Variants in VPS13D observed in about 807,000 individuals in gnomAD.
VPS13D encodes intermembrane lipid transfer protein VPS13D.
VPS13D carries 187 observed loss-of-function variants against 461.9 expected under a neutral mutation model. The observed-to-expected ratio is 0.40, with a 90% CI of 0.36 to 0.46. The LOEUF (loss-of-function observed/expected upper bound fraction) is 0.46. Among genes scored for constraint, VPS13D ranks in the 20% least tolerant of loss-of-function variants. The probability of loss-of-function intolerance (pLI) is 0.60; values close to 1 mark genes in which losing one functional copy is unlikely to be tolerated. For synonymous variants in VPS13D, 1,951 were observed against 1,986.3 expected (o/e 0.98, Z 0.47); for missense variants, 4,711 against 5,364.9 (o/e 0.88, Z 3.81).
At chr1:12,340,735 T>C (rs1339808967) in intron 40 of VPS13D, among the ~76,000 whole-genome samples, 2 of 152,270 alleles carry the variant, frequency 1.3e-5, no homozygotes, top group African/African-American at 4.8e-5. Context: ...CTTCCTACTT[T>C]AATGCTAGAC....
chr1:12,284,270 T>G (rs1641899286), intron 21 of VPS13D, among the ~76,000 whole-genome samples: 1 of 152,238 alleles, frequency 6.6e-6, no homozygotes, highest in Admixed American at 6.5e-5. Flanking sequence ...GGCAAACCAC[T>G]TGGCCTCTTT....
In VPS13D at chr1:12,414,475, C is replaced by A. The variant is rs536607982; in HGVS notation, c.12031-612C>A. Reference sequence around the variant, plus strand: ...CAGCTATATGCAACAATCTAGGAAACCCCCATATGTAATGTTGTCTATGAG... The same window carrying A: ...CAGCTATATGCAACAATCTAGGAAAACCCCATATGTAATGTTGTCTATGAG... On this transcript the variant is annotated intron_variant, in intron 63 of 69. Coordinates refer to ENST00000620676, the MANE Select transcript of VPS13D (RefSeq NM_015378.4). Among the ~76,000 whole-genome samples the A allele has an allele frequency of 3.9e-5, 6 of 152,164 alleles. No homozygotes were observed. In the South Asian group the frequency reaches 1.2e-3, roughly 32 times the overall value.
At chr1:12,388,737 G>A (rs1187115737) in intron 60 of VPS13D, among the ~76,000 whole-genome samples, 6 of 152,194 alleles carry the variant, frequency 3.9e-5, no homozygotes, top group Admixed American at 2.0e-4. Flanking sequence ...TGTAAACACC[G>A]TAATCAAAAG....
rs778894395 is a variant in VPS13D at position 12,507,629 on chromosome 1, C to G, written c.13035+536C>G. On this transcript the variant is annotated intron_variant, in intron 69 of 69. Coordinates refer to ENST00000620676, the MANE Select transcript of VPS13D (RefSeq NM_015378.4). This position sits in a 1 kb window ranked among gnomAD's most constrained non-coding sequence, Gnocchi z 5.3. The stretch of plus-strand genomic sequence containing the variant: ...ATGACAAGGCTTTTAAATAATAAAG[C>G]TCCTGCGAATAGCTAACGTTCCTAG... 1.2e-4 allele frequency among the ~76,000 whole-genome samples: 18 copies of G among 152,236 alleles called. No individual in the cohort carries two copies. The highest frequency in any genetic ancestry group is 2.5e-4 in the Non-Finnish European group (17 of 68,050).
intron 60 of VPS13D, among the ~76,000 whole-genome samples, chr1:12,393,593 TG>T (rs1644456740): frequency 6.6e-6 from 1 of 152,242 alleles, no homozygotes; most frequent in African/African-American, 2.4e-5. Flanking sequence ...ACGGGCCAAA[TG>T]GAAGAGTTGA....
chr1:12,281,530 A>C (rs1437372729), intron 20 of VPS13D, among the ~76,000 whole-genome samples: 1 of 152,180 alleles, frequency 6.6e-6, no homozygotes, highest in Admixed American at 6.5e-5. Context: ...TATAGGTTTG[A>C]CTGGATTCGG....
At chr1:12,278,068 T>C in intron 19 of VPS13D, 30 bp downstream of exon 19, 1 of 1,561,392 alleles carries the variant, frequency 6.4e-7, no homozygotes, top group Non-Finnish European at 8.6e-7. Flanking sequence ...TGTTCTATTT[T>C]GTTTAATGAT....
intron 65 of VPS13D, among the ~76,000 whole-genome samples, chr1:12,429,985 TA>T (rs1370176525): frequency 6.6e-6 from 1 of 152,242 alleles, no homozygotes; most frequent in East Asian, 1.9e-4. Flanking sequence ...CTGTTGAATT[TA>T]TATAATAAAA....
chr1:12,363,702 C>T (rs1036721711), intron 52 of VPS13D, among the ~76,000 whole-genome samples: 1 of 152,062 alleles, frequency 6.6e-6, no homozygotes, highest in Non-Finnish European at 1.5e-5. Flanking sequence ...TGCCTGTAAT[C>T]CTAGCACTTT....
chr1:12,408,759 C>T (rs1335422236), intron 63 of VPS13D, among the ~76,000 whole-genome samples: 1 of 152,214 alleles, frequency 6.6e-6, no homozygotes, highest in Non-Finnish European at 1.5e-5. Context: ...AGTGACCTTT[C>T]TCTCTAGCCT....
At chr1:12,238,151 C>CAAA (rs1185807017) in intron 2 of VPS13D, among the ~76,000 whole-genome samples, 1 of 98,156 alleles carries the variant, frequency 1.0e-5, no homozygotes, top group African/African-American at 3.9e-5. Flanking sequence ...GACCCTGTCT[C>CAAA]AAAAAAAAAA....
intron 5 of VPS13D, 106 bp from the exon 6 acceptor site, chr1:12,249,117 A>G (rs1044590786): frequency 2.1e-5 from 19 of 885,426 alleles, no homozygotes; most frequent in African/African-American, 1.0e-4. Flanking sequence ...ACCCCTAACT[A>G]TAGTATTTCA....
intron 2 of VPS13D, among the ~76,000 whole-genome samples, chr1:12,241,926 C>T (rs951325119): frequency 6.6e-6 from 1 of 151,984 alleles, no homozygotes; most frequent in African/African-American, 2.4e-5. Context: ...GCGGGTGGGG[C>T]CCAGGAGCCT....
rs200289820 is a variant in VPS13D, at chr1:12,244,244, A to G, written c.176-2A>G. Reference sequence around the variant, plus strand: ...TGAACAAGACTTTCCTTCTCCTTCCAGGCTTCATTGGGAAAGTAACCCTTC... The same window carrying G: ...TGAACAAGACTTTCCTTCTCCTTCCGGGCTTCATTGGGAAAGTAACCCTTC... On this transcript the variant is annotated splice_acceptor_variant, in intron 3 of 69. Transcript: ENST00000620676. LOFTEE classifies it high-confidence loss of function. The G allele has an allele frequency of 1.9e-6, 3 of 1,607,076 alleles. No homozygotes were observed. Among genetic ancestry groups the G allele is most frequent in the Non-Finnish European group, 2.5e-6 (3 of 1,177,534 alleles).
At position 12,273,123 on chromosome 1, in the gene VPS13D, A is replaced by T; in HGVS notation, c.2224A>T (p.Thr742Ser). ...VVVDLGRMLL[T>S]NTQDNSRRKS... is the part of the protein sequence containing the mutation. Reference sequence around the variant, plus strand: ...CGTGGATCTAGGAAGAATGCTTTTGACGAACACCCAAGGTATAGTGTGAGT... The same window carrying T: ...CGTGGATCTAGGAAGAATGCTTTTGTCGAACACCCAAGGTATAGTGTGAGT... Residue 742 changes from threonine (T) to serine (S), a missense_variant, in exon 18 of 70, where the codon ACG (threonine) becomes TCG (serine). Coordinates refer to ENST00000620676, the MANE Select transcript of VPS13D (RefSeq NM_015378.4). The T allele has an allele frequency of 1.9e-6, 3 of 1,614,068 alleles. No individual in the cohort carries two copies. Among genetic ancestry groups the T allele is most frequent in the Non-Finnish European group, 2.5e-6 (3 of 1,179,966 alleles).
intron 64 of VPS13D, 100 bp from the exon 65 acceptor site, chr1:12,416,560 G>A: frequency 7.9e-7 from 1 of 1,262,404 alleles, no homozygotes; most frequent in South Asian, 1.5e-5. Flanking sequence ...AATGAGAATG[G>A]AGAACAAAAT....
chr1:12,288,166 G>A, intron 21 of VPS13D, 57 bp from the exon 22 acceptor site: 1 of 1,473,420 alleles, frequency 6.8e-7, no homozygotes, highest in Non-Finnish European at 9.5e-7. Context: ...CCGTTTTCCT[G>A]AAAGATACCT....
At position 12,433,195 on chromosome 1, in the gene VPS13D, C is replaced by T. The variant is rs377468309; in HGVS notation, c.12333+16368C>T. ...GGCTGACTCCCAGCCACACTGTCCT[C>T]CCTGGAGTAGGTGCTCGAAACCTTT... On this transcript the variant is annotated intron_variant, in intron 65 of 69. Transcript: ENST00000620676. Among the ~76,000 whole-genome samples, 253 of 152,252 alleles carry T rather than the reference C, an allele frequency of 1.7e-3. 4 individuals carry two copies. Among genetic ancestry groups the T allele is most frequent in the African/African-American group, 5.9e-3 (244 of 41,556 alleles).
intron 52 of VPS13D, among the ~76,000 whole-genome samples, chr1:12,365,805 A>G (rs1644027125): frequency 2.0e-5 from 3 of 152,176 alleles, no homozygotes; most frequent in South Asian, 2.1e-4. Context: ...AATCTTTTAT[A>G]CTTTATGGTC....
Sources: allele counts gnomAD v4.1 joint callset (sites outside exome capture counted in the v4.1 genomes callset), GRCh38; gene constraint gnomAD v4.1.1; non-coding constraint Gnocchi (gnomAD v3.1); transcripts MANE v1.5; gene names NCBI Gene and HGNC (gene_info 2026-07-23, HGNC 2026-07-21).